Variants in PDE10A observed in about 807,000 individuals in gnomAD.
PDE10A encodes the protein cAMP and cAMP-inhibited cGMP 3',5'-cyclic phosphodiesterase 10A.
Under a neutral mutation model 97.7 loss-of-function variants are expected in PDE10A, and 39 were observed. The ratio of observed to expected loss-of-function variants is 0.40; its 90% CI spans 0.31 to 0.52. The LOEUF (loss-of-function observed/expected upper bound fraction) is 0.52, where lower values mean the gene tolerates loss of function less well. Ranked by LOEUF, PDE10A falls within the 20% of genes least tolerant of loss-of-function variation. The pLI is 0.56. For synonymous variants in PDE10A, 371 were observed against 376.8 expected, an observed-to-expected ratio of 0.98 and a Z score of 0.18; for missense variants, 731 against 1,047.8, an observed-to-expected ratio of 0.70 and a Z score of 4.17.
In PDE10A at chr6:165,518,545, T is replaced by C. The variant is rs1033594209; in HGVS notation, c.994+24895A>G. On this transcript the variant is annotated intron_variant, in intron 2 of 21. Transcript: ENST00000539869. ...TCAACCGTCCTGGTATCCCAGTGTT[T>C]GTGTTCAAGTCGCCCTCACTTTACT... 1.1e-4 allele frequency among the ~76,000 whole-genome samples: 16 copies of C among 152,136 alleles called. No individual in the cohort carries two copies. In the East Asian group the frequency reaches 1.2e-3, roughly 11 times the overall value.
chr6:165,729,463 G>A (rs552415250), intron 1 of PDE10A, among the ~76,000 whole-genome samples: 5 of 152,142 alleles, frequency 3.3e-5, no homozygotes, highest in African/African-American at 9.7e-5. Flanking sequence ...ACTAAGGACA[G>A]CAGTGAAATA....
At chr6:165,642,392 A>T (rs139131576) in intron 1 of PDE10A, among the ~76,000 whole-genome samples, 150 of 152,350 alleles carry the variant, frequency 9.8e-4, no homozygotes, top group African/African-American at 3.5e-3. Context: ...ATCGACACAT[A>T]GGAGGCACTC....
rs57547290 is a variant in PDE10A, at chr6:165,686,130, G to GACACACACAC, written c.-614-142572_-614-142563dup. Among the ~76,000 whole-genome samples, 289 of 145,394 alleles carry GACACACACAC rather than the reference G, an allele frequency of 2.0e-3. 1 individual carries two copies. Among genetic ancestry groups the GACACACACAC allele is most frequent in the African/African-American group, 6.3e-3 (246 of 38,878 alleles). On this transcript the variant is annotated intron_variant, in intron 1 of 19. Coordinates refer to the PDE10A transcript ENST00000366882. ...TTCTTCCCAATCTTAAATGTGCATG[G>GACACACACAC]ACACACACACACACACACACACACA... is the stretch of plus-strand genomic sequence containing the variant.
chr6:165,559,979 T>C (rs1443989131), intron 1 of PDE10A, among the ~76,000 whole-genome samples: 1 of 152,212 alleles, frequency 6.6e-6, no homozygotes, highest in African/African-American at 2.4e-5. Context: ...GTCTCAGGTA[T>C]GTCTTTATCA....
chr6:165,759,814 G>A (rs1439966812), intron 1 of PDE10A, among the ~76,000 whole-genome samples: 1 of 152,100 alleles, frequency 6.6e-6, no homozygotes, highest in African/African-American at 2.4e-5. Flanking sequence ...TTGGGCTCCT[G>A]GCCTACATGG....
intron 1 of PDE10A, among the ~76,000 whole-genome samples, chr6:165,737,613 GA>G (rs1237112924): frequency 6.6e-6 from 1 of 152,172 alleles, no homozygotes. Context: ...AATTCAACAT[GA>G]AAACAATCTT....
intron 1 of PDE10A, among the ~76,000 whole-genome samples, chr6:165,762,770 T>C (rs772133862): frequency 6.6e-6 from 1 of 152,206 alleles, no homozygotes; most frequent in Non-Finnish European, 1.5e-5. Flanking sequence ...CTCTGGGACA[T>C]ATATTTGGCT....
Position 165,328,013 on chromosome 6 carries a change from A to G in PDE10A, c.*5012T>C, listed in dbSNP as rs1350408335. 1 of 152,216 alleles carries G rather than the reference A, an allele frequency of 6.6e-6. No individual in the cohort carries two copies. The highest frequency in any genetic ancestry group is 1.5e-5 in the Non-Finnish European group (1 of 68,044). 9.4% of individuals were successfully genotyped at this position (152,216 alleles called of 1,614,324 possible). On this transcript the variant is annotated 3_prime_UTR_variant, in exon 22 of 22. Coordinates refer to ENST00000539869, the MANE Select transcript of PDE10A (RefSeq NM_001385079.1). ...AAAGAAAACCATCTTGTCTTCTCAG[A>G]AAGAATGAAGATGCTGCATTTGTAC...
chr6:165,482,533 T>C (rs1779667139), intron 2 of PDE10A, among the ~76,000 whole-genome samples, 190 bp from the exon 3 acceptor site: 1 of 152,230 alleles, frequency 6.6e-6, no homozygotes, highest in Non-Finnish European at 1.5e-5. Flanking sequence ...GAAGTATACA[T>C]TAATTTCACA....
chr6:165,375,328 A>G (rs1194522332), intron 18 of PDE10A, among the ~76,000 whole-genome samples: 1 of 152,204 alleles, frequency 6.6e-6, no homozygotes, highest in Non-Finnish European at 1.5e-5. Flanking sequence ...AGTGTTCTTG[A>G]TGATATGAAG....
chr6:165,576,235 G>C (rs1031786888), intron 1 of PDE10A, among the ~76,000 whole-genome samples: 4 of 152,190 alleles, frequency 2.6e-5, no homozygotes, highest in Non-Finnish European at 5.9e-5. Flanking sequence ...ACTGTAGGGG[G>C]CTTGACTGAA....
chr6:165,430,894 GAGA>G (rs1789503259), intron 8 of PDE10A, among the ~76,000 whole-genome samples: 2 of 152,010 alleles, frequency 1.3e-5, no homozygotes, highest in African/African-American at 2.4e-5. Flanking sequence ...AATAAAAAGA[GAGA>G]AGGAGAAGAT....
At position 165,396,435 on chromosome 6, in the gene PDE10A, C is replaced by T; in HGVS notation, c.2101G>A (p.Glu701Lys). Residue 701 changes from glutamate to lysine, a missense_variant, in exon 14 of 22, where the codon GAG (glutamate) becomes AAG (lysine). Coordinates refer to ENST00000539869, the MANE Select transcript of PDE10A (RefSeq NM_001385079.1). ...TCCATCGTTACCCGGTAAATGCACT[C>T]TGAGTGGCGAATTCTATGATACATC... Reference protein sequence around the residue: ...ANMYHRIRHSECIYRVTMEKL... With the variant: ...ANMYHRIRHSKCIYRVTMEKL... The T allele has an allele frequency of 6.2e-7, 1 of 1,612,334 alleles. No individual in the cohort carries two copies.
intron 1 of PDE10A, among the ~76,000 whole-genome samples, chr6:165,936,209 T>C (rs1164321095): frequency 6.6e-6 from 1 of 152,212 alleles, no homozygotes; most frequent in Non-Finnish European, 1.5e-5. Context: ...GATGTATTCA[T>C]GCAGAACTGG....
At chr6:165,960,250 C>G (rs1246305630) in intron 1 of PDE10A, among the ~76,000 whole-genome samples, 2 of 152,112 alleles carry the variant, frequency 1.3e-5, no homozygotes, top group Non-Finnish European at 2.9e-5. Flanking sequence ...GAGTAGCATA[C>G]AAAGATCAAA....
chr6:165,393,719 C>A (rs888198941), intron 15 of PDE10A, among the ~76,000 whole-genome samples: 1 of 152,098 alleles, frequency 6.6e-6, no homozygotes, highest in Non-Finnish European at 1.5e-5. Flanking sequence ...ATAGAAAATA[C>A]ACAGGCTTCA....
chr6:165,695,118 A>G (rs1292933183), intron 1 of PDE10A, among the ~76,000 whole-genome samples: 1 of 152,018 alleles, frequency 6.6e-6, no homozygotes, highest in Non-Finnish European at 1.5e-5. Context: ...TATGCATAAT[A>G]TTAACAGTGA....
Position 165,343,501 on chromosome 6 carries a change from C to G in PDE10A, c.2785G>C (p.Asp929His). ...SLNLNNQSHR[D>H]RVIGLMMTAC... Reference sequence around the variant, plus strand: ...GTCATCATCAAACCAATTACACGGTCTCTAGAACACAACAATATAAGACTG... The same window carrying G: ...GTCATCATCAAACCAATTACACGGTGTCTAGAACACAACAATATAAGACTG... The change falls in exon 19 of 22, where the codon GAC becomes CAC. Residue 929 changes from aspartate (D) to histidine (H), a missense_variant and splice_region_variant. Transcript: ENST00000539869. 1.2e-6 allele frequency: 2 copies of G among 1,604,252 alleles called. No homozygotes were observed. Among genetic ancestry groups the G allele is most frequent in the Non-Finnish European group, 1.7e-6 (2 of 1,171,072 alleles).
chr6:165,406,260 G>GTGTGTGTGTGTGTT (rs1562431563), intron 13 of PDE10A, among the ~76,000 whole-genome samples: 11 of 150,264 alleles, frequency 7.3e-5, no homozygotes, highest in African/African-American at 2.7e-4. Context: ...GTGTGTGTGT[G>GTGTGTGTGTGTGTT]TTTCTGTGTG....
Sources: allele counts gnomAD v4.1 joint callset (sites outside exome capture counted in the v4.1 genomes callset), GRCh38; gene constraint gnomAD v4.1.1; transcripts MANE v1.5; gene names NCBI Gene and HGNC (gene_info 2026-07-23, HGNC 2026-07-21).